Variants in PDGFRA observed in about 807,000 individuals in gnomAD.
PDGFRA encodes the protein platelet derived growth factor receptor alpha, also known as platelet-derived growth factor receptor alpha.
Under a neutral mutation model 121.5 loss-of-function variants are expected in PDGFRA, and 25 were observed. The observed-to-expected ratio is 0.21, with a 90% CI of 0.15 to 0.29. PDGFRA has a LOEUF of 0.29. Among genes scored for constraint, PDGFRA ranks in the 10% least tolerant of loss-of-function variants. PDGFRA has a pLI of 1.00. For synonymous variants in PDGFRA, 463 were observed against 494.8 expected (o/e 0.94, Z 0.85); for missense variants, 1,008 against 1,345.1 (o/e 0.75, Z 3.92).
At chr4:54,293,907 T>TTGTGTG (rs71200381) in intron 22 of PDGFRA, among the ~76,000 whole-genome samples, 86,551 of 142,336 alleles carry the variant, frequency 0.61, 26,886 homozygotes, top group South Asian at 0.68. Flanking sequence ...TCCAAGTTGC[T>TTGTGTG]TGTGTGTGTG....
intron 21 of PDGFRA, 115 bp downstream of exon 21, chr4:54,289,229 A>G (rs1257691826): frequency 1.4e-6 from 1 of 727,770 alleles, no homozygotes; most frequent in Non-Finnish European, 2.5e-6. Flanking sequence ...AGACTGTGTG[A>G]TCCAGTGGCT....
chr4:54,268,725 C>T (rs1723172473), intron 7 of PDGFRA, among the ~76,000 whole-genome samples: 2 of 152,226 alleles, frequency 1.3e-5, no homozygotes, highest in African/African-American at 4.8e-5. Context: ...GGAAGGCTTT[C>T]TGTTGACACA....
intron 1 of PDGFRA, among the ~76,000 whole-genome samples, chr4:54,248,227 T>C (rs1316522088): frequency 6.6e-6 from 1 of 152,224 alleles, no homozygotes. Flanking sequence ...TTAAAGTTCA[T>C]GTGGAACCAA....
At chr4:54,276,844 T>C (rs953975079) in intron 12 of PDGFRA, 1 of 164,442 alleles carries the variant, frequency 6.1e-6, no homozygotes, top group African/African-American at 2.4e-5. Flanking sequence ...ATGAAGCTAA[T>C]TGCTGTGCTC....
Position 54,290,377 on chromosome 4 carries a change from T to C in PDGFRA, c.2945T>C (p.Val982Ala), listed in dbSNP as rs1314369942. ...SDHPAVARMR[V>A]DSDNAYIGVT... ...CATCCTGCTGTGGCACGCATGCGTGTGGACTCAGACAATGCATACATTGGT... is the reference window on the plus strand; with the variant it reads ...CATCCTGCTGTGGCACGCATGCGTGCGGACTCAGACAATGCATACATTGGT... Residue 982 changes from valine to alanine, a missense_variant, in exon 22 of 23, where the codon GTG becomes GCG. Transcript: ENST00000257290. 2 of 1,613,066 alleles carry C rather than the reference T, an allele frequency of 1.2e-6. No homozygotes were observed. The highest frequency in any genetic ancestry group is 1.7e-6 in the Non-Finnish European group (2 of 1,178,958).
chr4:54,290,698 C>T lies in PDGFRA; in HGVS notation c.3122+144C>T, dbSNP rs73820712. On this transcript the variant is annotated intron_variant, in intron 22 of 22. Transcript: ENST00000257290. Reference sequence around the variant, plus strand: ...AGTTGCAGAATCCTCAGGAGGTCCACGTGGTTTTGAAAATGCTTCCCAGAT... The same window carrying T: ...AGTTGCAGAATCCTCAGGAGGTCCATGTGGTTTTGAAAATGCTTCCCAGAT... The T allele has an allele frequency of 9.0e-3, 8,331 of 926,160 alleles. 411 individuals carry two copies. In the African/African-American group the frequency reaches 0.11, roughly 12 times the overall value. 57.4% of individuals were successfully genotyped at this position (926,160 alleles called of 1,614,324 possible).
chr4:54,270,193 T>C (rs1046153031), intron 7 of PDGFRA, among the ~76,000 whole-genome samples: 4 of 152,278 alleles, frequency 2.6e-5, no homozygotes, highest in Middle Eastern at 3.4e-3. Flanking sequence ...TACAAATACA[T>C]AGAAAGTGTC....
intron 5 of PDGFRA, 51 bp from the exon 6 acceptor site, chr4:54,267,237 AC>A: frequency 1.3e-6 from 2 of 1,540,358 alleles, no homozygotes; most frequent in Non-Finnish European, 1.8e-6. Flanking sequence ...CTTAGAGTTC[AC>A]TCCTAGGAGC....
chr4:54,257,208 G>A (rs760351862), intron 1 of PDGFRA, among the ~76,000 whole-genome samples: 2 of 152,180 alleles, frequency 1.3e-5, no homozygotes, highest in Non-Finnish European at 2.9e-5. Context: ...TACAAATGTT[G>A]TATTAATGAC....
intron 1 of PDGFRA, among the ~76,000 whole-genome samples, chr4:54,245,674 G>T (rs1343072440): frequency 6.6e-6 from 1 of 151,900 alleles, no homozygotes; most frequent in Admixed American, 6.6e-5. Context: ...AAAATAACCA[G>T]CTAACATCAT....
At chr4:54,276,806 A>G (rs1480226438) in intron 12 of PDGFRA, 3 of 156,428 alleles carry the variant, frequency 1.9e-5, no homozygotes, top group Non-Finnish European at 4.3e-5. Flanking sequence ...CAACAGCTTC[A>G]GTGTCTTTAC....
chr4:54,233,411 C>A (rs567442001), intron 1 of PDGFRA, among the ~76,000 whole-genome samples: 26 of 152,350 alleles, frequency 1.7e-4, no homozygotes, highest in African/African-American at 6.0e-4. Flanking sequence ...GGACCAGGAG[C>A]CTGGGCTGCG....
intron 1 of PDGFRA, among the ~76,000 whole-genome samples, chr4:54,245,973 T>C (rs1402426328): frequency 6.6e-6 from 1 of 152,052 alleles, no homozygotes; most frequent in Non-Finnish European, 1.5e-5. Flanking sequence ...AAGAAGGCCA[T>C]TACATAATGG....
At chr4:54,248,020 A>G (rs540510467) in intron 1 of PDGFRA, among the ~76,000 whole-genome samples, 55 of 152,350 alleles carry the variant, frequency 3.6e-4, no homozygotes, top group African/African-American at 1.2e-3. Flanking sequence ...AGGGACGTGA[A>G]GGACCTCTTC....
intron 1 of PDGFRA, among the ~76,000 whole-genome samples, chr4:54,241,557 G>A (rs918471081): frequency 7.2e-5 from 10 of 138,016 alleles, no homozygotes; most frequent in Admixed American, 3.6e-4. Flanking sequence ...ATTTATTTAT[G>A]ATTTATTTTG....
Position 54,295,924 on chromosome 4 carries a change from G to A in PDGFRA, c.*652G>A, listed in dbSNP as rs1431062792. ...AACTCATTTTCATATTGTAATCTAT[G>A]TTTATAATACTACTACTGTTATCAG... On this transcript the variant is annotated 3_prime_UTR_variant, in exon 23 of 23. Transcript: ENST00000257290. The A allele has an allele frequency of 4.3e-6, 1 of 233,890 alleles. No individual in the cohort carries two copies. The highest frequency in any genetic ancestry group is 8.4e-6 in the Non-Finnish European group (1 of 118,536). 14.5% of individuals were successfully genotyped at this position (233,890 alleles called of 1,614,324 possible).
chr4:54,297,344 A>T lies in PDGFRA; in HGVS notation c.*2072A>T, dbSNP rs1724925515. On this transcript the variant is annotated 3_prime_UTR_variant, in exon 23 of 23. Transcript: ENST00000257290. ...TACCTACTGGTGTAATCTCAATGCA[A>T]GCCCCAACTTTCTTATCCAACTTTT... is the stretch of plus-strand genomic sequence containing the variant. The T allele has an allele frequency of 4.3e-6, 1 of 233,622 alleles. No homozygotes were observed. The highest frequency in any genetic ancestry group is 6.0e-5 in the East Asian group (1 of 16,596). 14.5% of individuals were successfully genotyped at this position (233,622 alleles called of 1,614,324 possible). A position where few individuals can be genotyped will look rare whatever the true frequency, so the allele number is the denominator to read the frequency against.
intron 15 of PDGFRA, among the ~76,000 whole-genome samples, chr4:54,279,457 C>A (rs1723945150): frequency 6.6e-6 from 1 of 152,214 alleles, no homozygotes; most frequent in Non-Finnish European, 1.5e-5. Context: ...ATTTTCCTTA[C>A]AAGCTATTGA....
chr4:54,259,747 G>A (rs1722584591), intron 2 of PDGFRA, among the ~76,000 whole-genome samples: 1 of 152,172 alleles, frequency 6.6e-6, no homozygotes, highest in Non-Finnish European at 1.5e-5. Context: ...TGATCCAGAT[G>A]TACTTACAAA....
Sources: allele counts gnomAD v4.1 joint callset (sites outside exome capture counted in the v4.1 genomes callset), GRCh38; gene constraint gnomAD v4.1.1; transcripts MANE v1.5; gene names NCBI Gene and HGNC (gene_info 2026-07-23, HGNC 2026-07-21).